Variants in ARHGAP6 observed in about 807,000 individuals in gnomAD.
The protein encoded by ARHGAP6 is Rho GTPase activating protein 6, also known as rho GTPase-activating protein 6.
ARHGAP6 carries 16 observed loss-of-function variants against 55.7 expected under a neutral mutation model. The ratio of observed to expected loss-of-function variants is 0.29; its 90% CI spans 0.19 to 0.44. The LOEUF (loss-of-function observed/expected upper bound fraction) is 0.44. Among genes scored for constraint, ARHGAP6 ranks in the 20% least tolerant of loss-of-function variants. ARHGAP6 has a pLI of 1.00. For synonymous variants in ARHGAP6, 382 were observed against 360.9 expected (o/e 1.06, Z -0.66); for missense variants, 698 against 808.9 (o/e 0.86, Z 1.66).
intron 1 of ARHGAP6, among the ~76,000 whole-genome samples, chrX:11,609,102 G>A (rs2052071750): frequency 9.0e-6 from 1 of 111,464 alleles, no homozygotes; most frequent in Non-Finnish European, 1.9e-5. Flanking sequence ...CATTGGTTAG[G>A]GGCAGTGGTC....
chrX:11,665,598 C>T lies in ARHGAP6; in HGVS notation c.-770G>A, dbSNP rs1463806868. ...CGTGCCCACGGTGGGATGGAATTCC[C>T]GGCGGCGCTCAGCGCTCTCCGTGGA... On this transcript the variant is annotated 5_prime_UTR_variant, in exon 1 of 13. Transcript: ENST00000337414. 8.8e-6 allele frequency: 1 copy of T among 113,492 alleles called. No homozygotes were observed. Among genetic ancestry groups the T allele is most frequent in the Non-Finnish European group, 1.9e-5 (1 of 53,416 alleles). 9.4% of individuals were successfully genotyped at this position (113,492 alleles called of 1,213,427 possible). A position where few individuals can be genotyped will look rare whatever the true frequency, so the allele number is the denominator to read the frequency against.
At chrX:11,610,868 TTC>T (rs1477238641) in intron 1 of ARHGAP6, among the ~76,000 whole-genome samples, 1 of 112,047 alleles carries the variant, frequency 8.9e-6, no homozygotes, top group Non-Finnish European at 1.9e-5. Context: ...CTAACCTACT[TTC>T]TGTCTTTATG....
intron 1 of ARHGAP6, among the ~76,000 whole-genome samples, chrX:11,561,320 T>C (rs1445863749): frequency 8.9e-6 from 1 of 112,207 alleles, no homozygotes; most frequent in Non-Finnish European, 1.9e-5. Context: ...CCCAGAGATA[T>C]AAAACTATCT....
intron 1 of ARHGAP6, among the ~76,000 whole-genome samples, chrX:11,644,475 T>G (rs1421461467): frequency 9.0e-6 from 1 of 110,913 alleles, no homozygotes; most frequent in Non-Finnish European, 1.9e-5. Flanking sequence ...TAGGAAGAAT[T>G]TTCTTACAAA....
At chrX:11,391,497 G>GA (rs200371598) in intron 1 of ARHGAP6, among the ~76,000 whole-genome samples, 20,034 of 108,941 alleles carry the variant, frequency 0.18, 1,606 homozygotes, top group Middle Eastern at 0.33. Context: ...AAAAAAGCCA[G>GA]AAAACTTTAA....
At chrX:11,474,799 T>C (rs1016318852) in intron 1 of ARHGAP6, among the ~76,000 whole-genome samples, 2 of 111,072 alleles carry the variant, frequency 1.8e-5, no homozygotes, top group African/African-American at 6.6e-5. Context: ...CTTGGTGCCA[T>C]TTTTGCAGTA....
In ARHGAP6 at chrX:11,420,976, A is replaced by G. The variant is rs2049816669; in HGVS notation, c.589-166269T>C. ...AGTTAGCTAATGTCTGACATGAGAG[A>G]GAAGACAGTAAACATTTTTTTAACC... On this transcript the variant is annotated intron_variant, in intron 1 of 12. Transcript: ENST00000337414. Among the ~76,000 whole-genome samples the G allele has an allele frequency of 3.6e-5, 4 of 112,101 alleles. No individual in the cohort carries two copies. The South Asian group carries it at 1.5e-3, about 42-fold the overall frequency.
chrX:11,357,831 T>A (rs2048951321), intron 1 of ARHGAP6, among the ~76,000 whole-genome samples: 2 of 112,277 alleles, frequency 1.8e-5, no homozygotes, highest in Admixed American at 1.9e-4. Context: ...CTAGAACTAC[T>A]AGTCAGGTCT....
chrX:11,511,668 A>G (rs952672109), intron 1 of ARHGAP6, among the ~76,000 whole-genome samples: 1 of 111,790 alleles, frequency 8.9e-6, no homozygotes, highest in African/African-American at 3.3e-5. Flanking sequence ...ATTTTGGTCC[A>G]TTGCAGAACA....
chrX:11,555,099 C>A (rs1297880546), intron 1 of ARHGAP6, among the ~76,000 whole-genome samples: 1 of 111,925 alleles, frequency 8.9e-6, no homozygotes, highest in African/African-American at 3.2e-5. Context: ...AGAAAGATAC[C>A]TGAAATACAT....
intron 1 of ARHGAP6, among the ~76,000 whole-genome samples, chrX:11,580,626 T>G (rs1015437416): frequency 8.0e-5 from 9 of 112,718 alleles, no homozygotes; most frequent in African/African-American, 2.9e-4. Context: ...TGGCAAATAC[T>G]GCTTCTAAAT....
chrX:11,321,890 T>A (rs1174810791), intron 1 of ARHGAP6, among the ~76,000 whole-genome samples: 1 of 112,268 alleles, frequency 8.9e-6, no homozygotes, highest in African/African-American at 3.2e-5. Flanking sequence ...ATCATAAATA[T>A]TACAGCTGCC....
intron 1 of ARHGAP6, chrX:11,298,115 C>T (rs996514040): frequency 5.8e-6 from 7 of 1,210,298 alleles, no homozygotes; most frequent in Non-Finnish European, 7.8e-6. Context: ...CTCACATTCT[C>T]AGGCTATCAA....
Position 11,596,795 on chromosome X carries a change from T to C in ARHGAP6, c.588+67446A>G, listed in dbSNP as rs112064509. Among the ~76,000 whole-genome samples the C allele has an allele frequency of 4.8e-4, 54 of 111,529 alleles. 1 individual carries two copies. Among genetic ancestry groups the C allele is most frequent in the African/African-American group, 1.7e-3 (51 of 30,677 alleles). ...TGATACTCAAAGGTTTCAAAGCACA[T>C]TGTCTTTGATCATAGCCATTTTCCT... On this transcript the variant is annotated intron_variant, in intron 1 of 12. Coordinates refer to ENST00000337414, the MANE Select transcript of ARHGAP6 (RefSeq NM_013427.3).
intron 2 of ARHGAP6, among the ~76,000 whole-genome samples, chrX:11,247,942 G>T (rs1039154378): frequency 6.3e-5 from 7 of 111,780 alleles, no homozygotes; most frequent in African/African-American, 1.9e-4. Context: ...CCTCCATGGA[G>T]TAATTTTGGG....
intron 1 of ARHGAP6, chrX:11,334,326 G>A (rs1211087882): frequency 8.5e-6 from 1 of 117,346 alleles, no homozygotes; most frequent in East Asian, 2.2e-4. Context: ...TCATACAGAT[G>A]GAAAACCCCT....
At chrX:11,414,435 C>T (rs2049724218) in intron 1 of ARHGAP6, among the ~76,000 whole-genome samples, 1 of 110,358 alleles carries the variant, frequency 9.1e-6, no homozygotes, top group Non-Finnish European at 1.9e-5. Context: ...GACACAAAAG[C>T]AGGCAGTTGT....
At chrX:11,147,871 A>G (rs945049284) in intron 10 of ARHGAP6, among the ~76,000 whole-genome samples, 1 of 112,369 alleles carries the variant, frequency 8.9e-6, no homozygotes, top group African/African-American at 3.2e-5. Context: ...AAGTGAGAAA[A>G]GAAAGAAAAA....
chrX:11,605,053 C>T (rs1448566686), intron 1 of ARHGAP6, among the ~76,000 whole-genome samples: 1 of 111,764 alleles, frequency 8.9e-6, no homozygotes, highest in Non-Finnish European at 1.9e-5. Context: ...TCACAGCATC[C>T]ACTACAGTTG....
Sources: gnomAD v4.1 joint callset for allele counts (sites outside exome capture counted in the v4.1 genomes callset) on GRCh38, gnomAD v4.1.1 for gene constraint, MANE v1.5 for transcripts, NCBI Gene and HGNC (gene_info 2026-07-23, HGNC 2026-07-21) for gene names.